The following TEKT3 variants were observed in gnomAD, a reference collection of about 807,000 sequenced individuals.
TEKT3 encodes the protein tektin 3.
In TEKT3, 49 loss-of-function variants were observed where a neutral mutation model predicts 49.8. The ratio of observed to expected loss-of-function variants is 0.98; its 90% confidence interval spans 0.78 to 1.25. The LOEUF is 1.25. Among genes scored for constraint, TEKT3 ranks in the 50% most tolerant of loss-of-function variants. The pLI is 0.00. For missense variants in TEKT3, 595 were observed against 629.5 expected (o/e 0.95, Z 0.59); for synonymous variants, 225 against 237.2 (o/e 0.95, Z 0.47).
At chr17:15,335,414 G>A (rs895435524) in intron 2 of TEKT3, among the ~76,000 whole-genome samples, 21 of 152,160 alleles carry the variant, frequency 1.4e-4, no homozygotes, top group African/African-American at 4.1e-4. Flanking sequence ...TATGAACACA[G>A]ACTAACTAGA....
rs1911723892 is a variant in TEKT3 at position 15,331,310 on chromosome 17, T to G, written c.276A>C (p.Thr92=). 2 of 1,614,202 alleles carry G rather than the reference T, an allele frequency of 1.2e-6. No individual in the cohort carries two copies. Among genetic ancestry groups the G allele is most frequent in the Non-Finnish European group, 8.5e-7 (1 of 1,180,038 alleles). Residue 92 remains threonine, a synonymous_variant, in exon 3 of 9, where the codon ACA becomes ACC. Transcript: ENST00000395930. ...TGTACCAGTCATCCGGTGTGTATCT[T>G]GTGAAGAAAGTGGTTCTGTTGGAAA... is the stretch of plus-strand genomic sequence containing the variant. ...PFVSNRTTFF[T]RYTPDDWYRS...
intron 2 of TEKT3, among the ~76,000 whole-genome samples, chr17:15,333,046 T>A (rs1369215842): frequency 1.3e-5 from 2 of 149,358 alleles, no homozygotes; most frequent in Non-Finnish European, 3.0e-5. Context: ...AACTTAAGTA[T>A]ATTTTCTGGG....
chr17:15,334,558 G>A (rs1040459080), intron 2 of TEKT3, among the ~76,000 whole-genome samples: 4 of 152,220 alleles, frequency 2.6e-5, no homozygotes, highest in African/African-American at 9.6e-5. Flanking sequence ...CACCAGATGA[G>A]ATATGTGGAC....
At position 15,337,755 on chromosome 17, in the gene TEKT3, T is replaced by C. The variant is rs542766210; in HGVS notation, c.-30+2273A>G. On this transcript the variant is annotated intron_variant, in intron 2 of 8. Transcript: ENST00000395930. Reference sequence around the variant, plus strand: ...TACTCAGGAGGCTGAGGCAGAGAATTGCTTGAACCTGGGAGGCGGAGGTTG... The same window carrying C: ...TACTCAGGAGGCTGAGGCAGAGAATCGCTTGAACCTGGGAGGCGGAGGTTG... 2.0e-5 allele frequency among the ~76,000 whole-genome samples: 3 copies of C among 152,174 alleles called. No individual in the cohort carries two copies. The South Asian group carries it at 6.2e-4, about 32-fold the overall frequency.
rs909997796 is a variant in TEKT3 at position 15,304,141 on chromosome 17, T to G, written c.1268A>C (p.Glu423Ala). Residue 423 changes from glutamate (E) to alanine (A), a missense_variant, in exon 9 of 9, where the codon GAG (glutamate) becomes GCG (alanine). Transcript: ENST00000395930. This position sits in a 1 kb window ranked among gnomAD's most constrained non-coding sequence, Gnocchi z 4.7. Reference protein sequence around the residue: ...RDMAQLRLVNEVHEVDDTIQT... With the variant: ...RDMAQLRLVNAVHEVDDTIQT... ...GATGGTGTCGTCAACCTCGTGTACC[T>G]CGTTAACAAGGCTGCAGCATAAAGG... The G allele has an allele frequency of 1.2e-6, 2 of 1,614,070 alleles. No homozygotes were observed. Among genetic ancestry groups the G allele is most frequent in the Non-Finnish European group, 8.5e-7 (1 of 1,180,000 alleles).
At chr17:15,315,005 G>A (rs1483110496) in intron 5 of TEKT3, among the ~76,000 whole-genome samples, 3 of 152,142 alleles carry the variant, frequency 2.0e-5, no homozygotes, top group Non-Finnish European at 4.4e-5. Flanking sequence ...TGACAGGTGA[G>A]CCACATGGAA....
At chr17:15,321,462 A>G (rs888223444) in intron 4 of TEKT3, among the ~76,000 whole-genome samples, 4 of 152,142 alleles carry the variant, frequency 2.6e-5, no homozygotes, top group African/African-American at 9.7e-5. Flanking sequence ...GTACCCATAC[A>G]TGGAGGTGGC....
intron 7 of TEKT3, among the ~76,000 whole-genome samples, chr17:15,309,491 A>C (rs575170667): frequency 3.3e-5 from 5 of 152,184 alleles, no homozygotes; most frequent in Admixed American, 1.3e-4. Flanking sequence ...CTGTAAAGAG[A>C]GTCCCTGTCC....
intron 4 of TEKT3, among the ~76,000 whole-genome samples, chr17:15,326,118 T>A (rs1392143955): frequency 1.3e-5 from 2 of 152,122 alleles, no homozygotes; most frequent in African/African-American, 4.8e-5. Context: ...TCATCTTTAA[T>A]GTCATGGGTC....
intron 4 of TEKT3, among the ~76,000 whole-genome samples, chr17:15,325,622 A>G (rs1911457241): frequency 6.6e-6 from 1 of 152,192 alleles, no homozygotes; most frequent in South Asian, 2.1e-4. Flanking sequence ...GTCAGGTTTG[A>G]GAGCCACTAC....
chr17:15,328,155 A>G, intron 3 of TEKT3, 80 bp from the exon 4 acceptor site: 3 of 1,318,232 alleles, frequency 2.3e-6, no homozygotes, highest in Admixed American at 1.7e-5. Flanking sequence ...TGTTTCAAAA[A>G]TAAGTCAATA....
rs777563831 is a variant in TEKT3, at chr17:15,308,654, C to T, written c.1256+10G>A. ...CCGAGCGAGCCCCGAGCCTTCCCCT[C>T]CCACCTTACCGTAGCTGAGCCATGT... On this transcript the variant is annotated intron_variant, in intron 8 of 8. Coordinates refer to ENST00000395930, the MANE Select transcript of TEKT3 (RefSeq NM_031898.3). 1.6e-5 allele frequency: 25 copies of T among 1,601,284 alleles called. No individual in the cohort carries two copies. Among genetic ancestry groups the T allele is most frequent in the Non-Finnish European group, 2.1e-5 (25 of 1,171,144 alleles).
rs187932934 is a variant in TEKT3, at chr17:15,307,722, T to C, written c.1256+942A>G. The stretch of plus-strand genomic sequence containing the variant: ...AGCAGAGCGAGTGGCATCTCCCCAC[T>C]GCACCAGAAAGGCTTCTGGAGTTCA... On this transcript the variant is annotated intron_variant, in intron 8 of 8. Coordinates refer to ENST00000395930, the MANE Select transcript of TEKT3 (RefSeq NM_031898.3). Among the ~76,000 whole-genome samples the C allele has an allele frequency of 3.2e-3, 487 of 152,306 alleles. 1 individual carries two copies. The highest frequency in any genetic ancestry group is 5.0e-3 in the Non-Finnish European group (337 of 68,028).
chr17:15,330,466 G>A (rs1461102376), intron 3 of TEKT3, among the ~76,000 whole-genome samples: 1 of 152,028 alleles, frequency 6.6e-6, no homozygotes, highest in East Asian at 1.9e-4. Flanking sequence ...GAGTTCTCTG[G>A]AGATCTGGTT....
chr17:15,319,884 G>A (rs1962777361), intron 4 of TEKT3, among the ~76,000 whole-genome samples: 2 of 152,136 alleles, frequency 1.3e-5, no homozygotes, highest in African/African-American at 4.8e-5. Context: ...AGTGCACATT[G>A]TTACTGTTAT....
At chr17:15,328,693 T>C (rs1317760314) in intron 3 of TEKT3, among the ~76,000 whole-genome samples, 1 of 152,194 alleles carries the variant, frequency 6.6e-6, no homozygotes, top group Non-Finnish European at 1.5e-5. Context: ...AACTTTATAT[T>C]ATGCTTTTTA....
intron 4 of TEKT3, among the ~76,000 whole-genome samples, chr17:15,325,476 A>G (rs1307457006): frequency 6.6e-6 from 1 of 152,058 alleles, no homozygotes; most frequent in African/African-American, 2.4e-5. Flanking sequence ...TACTCTGCCT[A>G]GTCATTAAGA....
At chr17:15,325,285 G>C (rs1217151546) in intron 4 of TEKT3, among the ~76,000 whole-genome samples, 1 of 152,134 alleles carries the variant, frequency 6.6e-6, no homozygotes, top group Non-Finnish European at 1.5e-5. Flanking sequence ...TTACAAAGAA[G>C]TCAGCTGGGA....
intron 2 of TEKT3, among the ~76,000 whole-genome samples, chr17:15,335,911 T>A (rs1351935872): frequency 6.6e-6 from 1 of 151,508 alleles, no homozygotes; most frequent in East Asian, 1.9e-4. Flanking sequence ...ACTTTTTTTT[T>A]AACTAAAAAA....
Sources: gnomAD v4.1 joint callset for allele counts (sites outside exome capture counted in the v4.1 genomes callset) on GRCh38, gnomAD v4.1.1 for gene constraint, Gnocchi (gnomAD v3.1) non-coding constraint, MANE v1.5 for transcripts, NCBI Gene and HGNC (gene_info 2026-07-23, HGNC 2026-07-21) for gene names.